The following ITGA9 variants were observed in gnomAD, a reference collection of about 807,000 sequenced individuals.
ITGA9 encodes integrin alpha-9.
Under a neutral mutation model 127.8 loss-of-function variants are expected in ITGA9, and 56 were observed. The observed-to-expected ratio is 0.44, with a 90% CI of 0.35 to 0.55. ITGA9 has a LOEUF of 0.55. Ranked by LOEUF, ITGA9 falls within the 20% of genes least tolerant of loss-of-function variation. The pLI, the probability that ITGA9 is intolerant of heterozygous loss-of-function variation, is 0.00. For missense variants in ITGA9, 1,196 were observed against 1,347.1 expected, an observed-to-expected ratio of 0.89 and a Z score of 1.76; for synonymous variants, 508 against 514.5, an observed-to-expected ratio of 0.99 and a Z score of 0.17.
At position 37,452,571 on chromosome 3, in the gene ITGA9, C is replaced by A; in HGVS notation, c.185+12C>A. 2 of 1,507,814 alleles carry A rather than the reference C, an allele frequency of 1.3e-6. No homozygotes were observed. The highest frequency in any genetic ancestry group is 1.8e-6 in the Non-Finnish European group (2 of 1,126,836). The allele number at this position is 1,507,814 out of a possible 1,614,324, so 93.4% of individuals were successfully genotyped here. On this transcript the variant is annotated intron_variant, in intron 1 of 27. Transcript: ENST00000264741. This position sits in a 1 kb window ranked among gnomAD's most constrained non-coding sequence, Gnocchi z 7.3. ...GACAACACGCGCTGGTGAGTGCCCG[C>A]CCGACTCCGCGACCCTGGCCCGCGC...
Position 37,647,138 on chromosome 3 carries a change from C to T in ITGA9, c.1840-6576C>T, listed in dbSNP as rs185012197. 5.5e-4 allele frequency among the ~76,000 whole-genome samples: 83 copies of T among 152,124 alleles called. 1 individual carries two copies. The highest frequency in any genetic ancestry group is 2.0e-3 in the African/African-American group (82 of 41,506). On this transcript the variant is annotated intron_variant, in intron 16 of 27. Transcript: ENST00000264741. ...GTGTATTGTTTTTTTACCTATTAAACAATTGCATTCCTAGCCTATGGAAGG... is the reference window on the plus strand; with the variant it reads ...GTGTATTGTTTTTTTACCTATTAAATAATTGCATTCCTAGCCTATGGAAGG...
chr3:37,760,517 C>T (rs893044929), intron 23 of ITGA9, among the ~76,000 whole-genome samples: 3 of 151,784 alleles, frequency 2.0e-5, no homozygotes, highest in Non-Finnish European at 2.9e-5. Context: ...CAGAGAAAGA[C>T]GATAGAGAAA....
intron 17 of ITGA9, among the ~76,000 whole-genome samples, chr3:37,654,625 A>T (rs973414935): frequency 6.6e-6 from 1 of 152,206 alleles, no homozygotes; most frequent in Non-Finnish European, 1.5e-5. Flanking sequence ...CCCTTACTTA[A>T]AACTATGAGA....
chr3:37,578,158 G>A (rs1464385615), intron 15 of ITGA9, among the ~76,000 whole-genome samples: 1 of 152,214 alleles, frequency 6.6e-6, no homozygotes, highest in Admixed American at 6.5e-5. Context: ...ATGAGGGGAA[G>A]ACACTCTACT....
rs546265875 is a variant in ITGA9 at position 37,629,088 on chromosome 3, A to G, written c.1690-99A>G. Reference sequence around the variant, plus strand: ...TCACGAGGGTGATTGTGAGGATTATATGAGGCAATTCATGTAGAAGGTCTT... The same window carrying G: ...TCACGAGGGTGATTGTGAGGATTATGTGAGGCAATTCATGTAGAAGGTCTT... On this transcript the variant is annotated intron_variant, in intron 15 of 27. Transcript: ENST00000264741. This position sits in a 1 kb window ranked among gnomAD's most constrained non-coding sequence, Gnocchi z 4.5. 4.1e-5 allele frequency: 56 copies of G among 1,368,366 alleles called. No individual in the cohort carries two copies. In the African/African-American group the frequency reaches 6.1e-4, roughly 15 times the overall value. The allele number at this position is 1,368,366 out of a possible 1,614,324, so 84.8% of individuals were successfully genotyped here.
intron 15 of ITGA9, among the ~76,000 whole-genome samples, chr3:37,580,794 G>A (rs1043032642): frequency 2.0e-5 from 3 of 152,116 alleles, no homozygotes; most frequent in Admixed American, 2.0e-4. Flanking sequence ...CTGTATTTCT[G>A]TTTTTGAATT....
chr3:37,616,424 A>T (rs1700075401), intron 15 of ITGA9, among the ~76,000 whole-genome samples: 1 of 152,216 alleles, frequency 6.6e-6, no homozygotes, highest in African/African-American at 2.4e-5. Context: ...TGTGGTGCTG[A>T]AAAGAATGTA....
intron 21 of ITGA9, among the ~76,000 whole-genome samples, chr3:37,742,052 T>C (rs1325695392): frequency 1.3e-5 from 2 of 152,234 alleles, no homozygotes; most frequent in African/African-American, 4.8e-5. Context: ...TCTGAGAAGT[T>C]TGATGACAAG....
At chr3:37,696,216 G>C (rs1700883357) in intron 18 of ITGA9, among the ~76,000 whole-genome samples, 1 of 152,276 alleles carries the variant, frequency 6.6e-6, no homozygotes, top group South Asian at 2.1e-4. Context: ...TGGGAGGAAG[G>C]GAAGAGTGGC....
At chr3:37,752,489 T>A (rs1349595786) in intron 23 of ITGA9, among the ~76,000 whole-genome samples, 2 of 152,132 alleles carry the variant, frequency 1.3e-5, no homozygotes, top group Non-Finnish European at 2.9e-5. Context: ...AGAAACAGAT[T>A]ATAGGCATGG....
chr3:37,736,880 A>C (rs984645656), intron 19 of ITGA9, 24 bp from the exon 20 acceptor site: 6 of 1,553,116 alleles, frequency 3.9e-6, no homozygotes, highest in Non-Finnish European at 4.4e-6. Flanking sequence ...TGCTGATGCC[A>C]AATACCACTT....
At chr3:37,768,433 C>T (rs1696803763) in intron 23 of ITGA9, among the ~76,000 whole-genome samples, 2 of 152,090 alleles carry the variant, frequency 1.3e-5, no homozygotes, top group African/African-American at 2.4e-5. Flanking sequence ...CCGCCTGTGC[C>T]GGAATAGGGG....
At chr3:37,567,578 G>A (rs1445474253) in intron 15 of ITGA9, among the ~76,000 whole-genome samples, 1 of 152,070 alleles carries the variant, frequency 6.6e-6, no homozygotes, top group Non-Finnish European at 1.5e-5. Flanking sequence ...CCACCTATGA[G>A]CTTTTAAAAT....
intron 15 of ITGA9, among the ~76,000 whole-genome samples, chr3:37,616,779 A>G (rs1415836856): frequency 6.6e-6 from 1 of 152,126 alleles, no homozygotes; most frequent in Non-Finnish European, 1.5e-5. Flanking sequence ...AGAGACTAGG[A>G]TTGCAACCCC....
intron 21 of ITGA9, among the ~76,000 whole-genome samples, chr3:37,742,301 A>C (rs1480710930): frequency 6.6e-6 from 1 of 151,526 alleles, no homozygotes; most frequent in Non-Finnish European, 1.5e-5. Context: ...GTTTCTGTTA[A>C]CTCCCTCTGC....
At chr3:37,535,430 G>C (rs1273227182) in intron 14 of ITGA9, among the ~76,000 whole-genome samples, 2 of 152,244 alleles carry the variant, frequency 1.3e-5, no homozygotes, top group East Asian at 3.8e-4. Context: ...TCCTCATGCT[G>C]TTCCCGACCA....
chr3:37,465,928 C>T (rs923109313), intron 1 of ITGA9, among the ~76,000 whole-genome samples: 3 of 152,048 alleles, frequency 2.0e-5, no homozygotes, highest in Admixed American at 2.0e-4. Flanking sequence ...TAGAATAGGG[C>T]ACGGGTGATG....
intron 14 of ITGA9, among the ~76,000 whole-genome samples, chr3:37,537,094 C>A (rs560604621): frequency 6.6e-6 from 1 of 152,332 alleles, no homozygotes; most frequent in East Asian, 1.9e-4. Context: ...TTAACCACTT[C>A]CTTGGGGTTA....
intron 17 of ITGA9, among the ~76,000 whole-genome samples, chr3:37,682,417 G>A (rs114502102): frequency 1.7e-3 from 266 of 152,322 alleles, no homozygotes; most frequent in African/African-American, 6.1e-3. Context: ...ACTGTCCTCT[G>A]TGACCATGTG....
Sources: allele counts gnomAD v4.1 joint callset (sites outside exome capture counted in the v4.1 genomes callset), GRCh38; gene constraint gnomAD v4.1.1; non-coding constraint Gnocchi (gnomAD v3.1); transcripts MANE v1.5; gene names NCBI Gene and HGNC (gene_info 2026-07-23, HGNC 2026-07-21).